Variants in FBXO10 observed in about 807,000 individuals in gnomAD.
The protein encoded by FBXO10 is F-box protein 10.
In FBXO10, 39 loss-of-function variants were observed where a neutral mutation model predicts 80.7. The observed-to-expected ratio is 0.48, with a 90% CI of 0.37 to 0.63. The LOEUF (loss-of-function observed/expected upper bound fraction) is 0.63. Among genes scored for constraint, FBXO10 ranks in the 30% least tolerant of loss-of-function variants. The probability of loss-of-function intolerance (pLI) is 0.00; values close to 1 mark genes in which losing one functional copy is unlikely to be tolerated. For synonymous variants in FBXO10, 449 were observed against 489.6 expected (o/e 0.92, Z 1.09); for missense variants, 1,025 against 1,269.0 (o/e 0.81, Z 2.92).
chr9:37,534,424 G>A (rs183401970), intron 3 of FBXO10, among the ~76,000 whole-genome samples: 23 of 152,212 alleles, frequency 1.5e-4, no homozygotes, highest in Admixed American at 1.0e-3. Flanking sequence ...TCGTGCCACT[G>A]CAGTCCGGCC....
At chr9:37,553,929 A>AG (rs1196048600) in intron 1 of FBXO10, among the ~76,000 whole-genome samples, 4 of 151,150 alleles carry the variant, frequency 2.6e-5, no homozygotes, top group Non-Finnish European at 5.9e-5. Flanking sequence ...AAAAAAAAAA[A>AG]AAAAAAAAAA....
chr9:37,537,662 A>T lies in FBXO10; in HGVS notation c.867T>A (p.Ser289=), dbSNP rs1310929263. The change falls in exon 3 of 11, where the codon TCT becomes TCA. Residue 289 remains serine, a synonymous_variant. Transcript: ENST00000432825. ...SSPTFLPTED[S]DFLMSLDLES... ...CTAGGTCCAGGGACATTAAAAAGTC[A>T]GAGTCCTCTGTGGGGAGAAAAGTGG... 6.2e-7 allele frequency: 1 copy of T among 1,614,022 alleles called. No individual in the cohort carries two copies. Among genetic ancestry groups the T allele is most frequent in the Admixed American group, 1.7e-5 (1 of 60,028 alleles).
Position 37,537,814 on chromosome 9 carries a change from G to C in FBXO10, c.715C>G (p.Pro239Ala), listed in dbSNP as rs1821811269. 4 of 1,613,982 alleles carry C rather than the reference G, an allele frequency of 2.5e-6. No homozygotes were observed. The highest frequency in any genetic ancestry group is 3.4e-6 in the Non-Finnish European group (4 of 1,179,884). The change falls in exon 3 of 11, where the codon CCC becomes GCC. Residue 239 changes from proline to alanine, a missense_variant. Pro to Ala is a conservative substitution (Grantham distance 27, BLOSUM62 -1). Around this residue, in one of 3 missense-constraint regions of FBXO10, gnomAD observed 450 missense variants for 499.4 expected, o/e 0.90. Coordinates refer to ENST00000432825, the MANE Select transcript of FBXO10 (RefSeq NM_012166.3). ...KNTHIFLHNVPLCVLENCEFV... is the reference protein window; with the variant it reads ...KNTHIFLHNVALCVLENCEFV... ...TCACAGTTTTCCAGGACACACAGGG[G>C]CACGTTGTGCAGGAAGATATGGGTG...
At chr9:37,521,397 G>A (rs76331662) in intron 8 of FBXO10, among the ~76,000 whole-genome samples, 172 bp downstream of exon 8, 22,378 of 152,178 alleles carry the variant, frequency 0.15, 2,029 homozygotes, top group East Asian at 0.25. Context: ...AACCCTCCAA[G>A]TGTGAAGTGG....
chr9:37,574,772 T>C (rs568542923), intron 1 of FBXO10, among the ~76,000 whole-genome samples: 2 of 152,306 alleles, frequency 1.3e-5, no homozygotes, highest in East Asian at 1.9e-4. Flanking sequence ...TGGATATATA[T>C]ATAAAACATT....
chr9:37,564,440 G>C (rs547959025), intron 1 of FBXO10, among the ~76,000 whole-genome samples: 2 of 152,294 alleles, frequency 1.3e-5, no homozygotes, highest in African/African-American at 4.8e-5. Context: ...ACCCCACAAT[G>C]GCAGATCCAC....
rs768658218 is a variant in FBXO10, at chr9:37,521,821, C to T, written c.1948G>A (p.Val650Met). The change falls in exon 8 of 11, where the codon GTG (valine) becomes ATG (methionine). Residue 650 changes from valine (V) to methionine (M), a missense_variant. Val to Met is a conservative substitution (Grantham distance 21). Around this residue, in one of 3 missense-constraint regions of FBXO10, gnomAD observed 478 missense variants for 667.8 expected, o/e 0.72. Transcript: ENST00000432825. ...NTIYANKGCG[V>M]WMMSSSLPHV... ...GGGAGGCTGGACGACATCATCCACACACCACAGCCCTTGTTAGCTGGGACA... is the reference window on the plus strand; with the variant it reads ...GGGAGGCTGGACGACATCATCCACATACCACAGCCCTTGTTAGCTGGGACA... The T allele has an allele frequency of 1.3e-6, 2 of 1,587,580 alleles. No homozygotes were observed. Among genetic ancestry groups the T allele is most frequent in the Non-Finnish European group, 1.7e-6 (2 of 1,169,092 alleles).
intron 3 of FBXO10, among the ~76,000 whole-genome samples, chr9:37,534,628 G>A (rs1376428299): frequency 6.6e-6 from 1 of 152,200 alleles, no homozygotes; most frequent in African/African-American, 2.4e-5. Context: ...GGGAGTAGCT[G>A]CACCTGTTCA....
chr9:37,516,163 G>A, intron 9 of FBXO10, 78 bp from the exon 10 acceptor site: 1 of 1,468,638 alleles, frequency 6.8e-7, no homozygotes, highest in Non-Finnish European at 9.2e-7. Context: ...TGAATTATCA[G>A]TTCTAAAACC....
chr9:37,519,434 G>A (rs919576587), intron 8 of FBXO10, among the ~76,000 whole-genome samples: 4 of 148,430 alleles, frequency 2.7e-5, no homozygotes, highest in Admixed American at 6.8e-5. Flanking sequence ...ACCCGGGGGC[G>A]AGGAGAGGAG....
At chr9:37,532,365 A>G (rs1821652245) in intron 3 of FBXO10, among the ~76,000 whole-genome samples, 1 of 141,362 alleles carries the variant, frequency 7.1e-6, no homozygotes, top group South Asian at 2.2e-4. Context: ...CAGTGGCATG[A>G]TCTCGGCTTA....
intron 1 of FBXO10, among the ~76,000 whole-genome samples, chr9:37,562,940 G>A (rs1048065684): frequency 1.3e-5 from 2 of 151,962 alleles, no homozygotes; most frequent in Non-Finnish European, 2.9e-5. Context: ...ACAATTCAAG[G>A]GGAAAAATGC....
chr9:37,515,724 TG>T, intron 10 of FBXO10, 179 bp downstream of exon 10: 1 of 635,220 alleles, frequency 1.6e-6, no homozygotes, highest in Non-Finnish European at 2.8e-6. Context: ...TGTTCCCTCC[TG>T]GGGAGTCCTC....
rs140002998 is a variant in FBXO10 at position 37,546,559 on chromosome 9, A to G, written c.-6-4785T>C. ...CTTATTATGTAACAGGTCCTAAGAG[A>G]AAATATTAATAAATCGGTATTAAGA... is the stretch of plus-strand genomic sequence containing the variant. On this transcript the variant is annotated intron_variant, in intron 1 of 10. Coordinates refer to ENST00000432825, the MANE Select transcript of FBXO10 (RefSeq NM_012166.3). 6.1e-4 allele frequency among the ~76,000 whole-genome samples: 93 copies of G among 152,296 alleles called. 1 individual carries two copies. The East Asian group carries it at 0.012, about 20-fold the overall frequency.
Position 37,569,574 on chromosome 9 carries a change from A to G in FBXO10, c.-7+6637T>C, listed in dbSNP as rs1484981641. ...ATTTCATTGGACATTGAATCCAATA[A>G]CTGTAGAATACATTTTACTTTCAAA... On this transcript the variant is annotated intron_variant, in intron 1 of 10. Coordinates refer to ENST00000432825, the MANE Select transcript of FBXO10 (RefSeq NM_012166.3). Among the ~76,000 whole-genome samples, 4 of 152,216 alleles carry G rather than the reference A, an allele frequency of 2.6e-5. No individual in the cohort carries two copies. In the East Asian group the frequency reaches 7.7e-4, roughly 29 times the overall value.
intron 1 of FBXO10, among the ~76,000 whole-genome samples, chr9:37,570,068 G>C (rs946306774): frequency 2.0e-5 from 3 of 152,208 alleles, no homozygotes; most frequent in Non-Finnish European, 2.9e-5. Context: ...CCAGCATTTT[G>C]GGAGGCCAAG....
intron 1 of FBXO10, among the ~76,000 whole-genome samples, chr9:37,552,032 T>C (rs1822208919): frequency 6.6e-6 from 1 of 152,218 alleles, no homozygotes; most frequent in Non-Finnish European, 1.5e-5. Context: ...ATAAGAAAGA[T>C]AACCTTTCTT....
At chr9:37,560,646 T>TTTTA (rs2119176663) in intron 1 of FBXO10, among the ~76,000 whole-genome samples, 1 of 111,760 alleles carries the variant, frequency 8.9e-6, no homozygotes, top group East Asian at 2.3e-4. Context: ...ATTTTATTTT[T>TTTTA]TTTAATGCAT....
At chr9:37,540,533 C>A (rs1309828605) in intron 2 of FBXO10, among the ~76,000 whole-genome samples, 1 of 152,140 alleles carries the variant, frequency 6.6e-6, no homozygotes. Flanking sequence ...TTATTGACTA[C>A]CTACATAATC....
Sources: allele counts gnomAD v4.1 joint callset (sites outside exome capture counted in the v4.1 genomes callset), GRCh38; gene constraint gnomAD v4.1.1; regional missense constraint gnomAD v4.1.1; transcripts MANE v1.5; gene names NCBI Gene and HGNC (gene_info 2026-07-23, HGNC 2026-07-21).